The following PI4K2B variants were observed in gnomAD, a reference collection of about 807,000 sequenced individuals.
PI4K2B encodes the protein phosphatidylinositol 4-kinase type 2-beta.
A neutral mutation model predicts 56.6 loss-of-function variants in PI4K2B; 46 were observed. That is an observed-to-expected ratio of 0.81 (90% CI 0.64 to 1.04). The LOEUF is 1.04. PI4K2B is among the 50% of genes least tolerant of loss of function. The probability of loss-of-function intolerance (pLI) is 0.00; values close to 1 mark genes in which losing one functional copy is unlikely to be tolerated. For missense variants in PI4K2B, 556 were observed against 607.7 expected (o/e 0.91, Z 0.89); for synonymous variants, 211 against 223.8 (o/e 0.94, Z 0.51).
At chr4:25,264,806 G>T (rs1025490480) in intron 7 of PI4K2B, among the ~76,000 whole-genome samples, 23 of 152,256 alleles carry the variant, frequency 1.5e-4, no homozygotes, top group African/African-American at 5.1e-4. Context: ...GGGAGGTGGA[G>T]GTTGCAGTGA....
intron 1 of PI4K2B, among the ~76,000 whole-genome samples, chr4:25,251,716 G>A (rs550082044): frequency 6.6e-6 from 1 of 152,254 alleles, no homozygotes; most frequent in East Asian, 1.9e-4. Context: ...AGAGGATGAA[G>A]TAGGATGGAT....
Position 25,268,640 on chromosome 4 carries a change from A to G in PI4K2B, c.1212+64A>G, listed in dbSNP as rs1577697301. ...ATCTTAAAATAGAAGAGACTGCTTA[A>G]TAGAGCTGATTTGCAATTTTCTATT... On this transcript the variant is annotated intron_variant, in intron 8 of 9. Coordinates refer to ENST00000264864, the MANE Select transcript of PI4K2B (RefSeq NM_018323.4). 18 of 1,147,134 alleles carry G rather than the reference A, an allele frequency of 1.6e-5. No individual in the cohort carries two copies. The East Asian group carries it at 4.2e-4, about 27-fold the overall frequency. 71.1% of individuals were successfully genotyped at this position (1,147,134 alleles called of 1,614,324 possible).
At chr4:25,267,911 C>G in intron 7 of PI4K2B, 1 of 966,270 alleles carries the variant, frequency 1.0e-6, no homozygotes, top group Non-Finnish European at 1.2e-6. Flanking sequence ...GGAGGCTAGG[C>G]AGACCTCAGC....
chr4:25,265,790 G>A (rs1218029290), intron 7 of PI4K2B, among the ~76,000 whole-genome samples: 1 of 152,074 alleles, frequency 6.6e-6, no homozygotes, highest in African/African-American at 2.4e-5. Flanking sequence ...CCTATATATG[G>A]CCTATTTAGA....
At chr4:25,272,256 T>C (rs1023175637) in intron 9 of PI4K2B, among the ~76,000 whole-genome samples, 1 of 152,086 alleles carries the variant, frequency 6.6e-6, no homozygotes, top group Non-Finnish European at 1.5e-5. Context: ...TCATATCTTA[T>C]CTCATGTACA....
chr4:25,260,639 TATACACACAC>T (rs1258794608), intron 6 of PI4K2B, 48 bp downstream of exon 6: 12 of 58,364 alleles, frequency 2.1e-4, no homozygotes, highest in Non-Finnish European at 4.1e-4. Context: ...TATATATATA[TATACACACAC>T]ACACACACAC....
At chr4:25,247,916 T>G (rs1315508668) in intron 1 of PI4K2B, among the ~76,000 whole-genome samples, 1 of 152,158 alleles carries the variant, frequency 6.6e-6, no homozygotes, top group East Asian at 1.9e-4. Context: ...TTGCCCAGGC[T>G]GGTCTTGAAC....
intron 1 of PI4K2B, among the ~76,000 whole-genome samples, chr4:25,240,621 G>C (rs1182385063): frequency 6.6e-6 from 1 of 152,174 alleles, no homozygotes; most frequent in Non-Finnish European, 1.5e-5. Flanking sequence ...AGTTAGTGGG[G>C]AGGCAGATAT....
At chr4:25,252,709 C>T (rs991849640) in intron 2 of PI4K2B, among the ~76,000 whole-genome samples, 1 of 152,134 alleles carries the variant, frequency 6.6e-6, no homozygotes, top group African/African-American at 2.4e-5. Flanking sequence ...ACCACCTGGG[C>T]TCAGGCAATC....
In PI4K2B at chr4:25,249,756, C is replaced by G. The variant is rs188003152; in HGVS notation, c.269-2565C>G. On this transcript the variant is annotated intron_variant, in intron 1 of 9. Transcript: ENST00000264864. Reference sequence around the variant, plus strand: ...TCAGACGGGGCGGCGGGGCAGAGGCCCTCCCCACATCCCAGACGATGGGCG... The same window carrying G: ...TCAGACGGGGCGGCGGGGCAGAGGCGCTCCCCACATCCCAGACGATGGGCG... Among the ~76,000 whole-genome samples, 2,243 of 150,854 alleles carry G rather than the reference C, an allele frequency of 0.015. 123 individuals carry two copies. The East Asian group carries it at 0.18, about 12-fold the overall frequency.
chr4:25,259,288 C>T, intron 5 of PI4K2B, 98 bp downstream of exon 5: 2 of 773,606 alleles, frequency 2.6e-6, no homozygotes, highest in Non-Finnish European at 4.3e-6. Context: ...TTGCAGAAGT[C>T]TTGAAGCCAC....
At chr4:25,236,632 A>G (rs983341529) in intron 1 of PI4K2B, among the ~76,000 whole-genome samples, 2 of 152,242 alleles carry the variant, frequency 1.3e-5, no homozygotes, top group Non-Finnish European at 2.9e-5. Context: ...AGGATTCAGA[A>G]TTAATAAACT....
intron 7 of PI4K2B, among the ~76,000 whole-genome samples, chr4:25,265,231 A>G (rs1181774294): frequency 7.1e-6 from 1 of 141,128 alleles, no homozygotes; most frequent in Non-Finnish European, 1.5e-5. Context: ...ATTTGTATCC[A>G]TGATATGTCT....
intron 1 of PI4K2B, among the ~76,000 whole-genome samples, chr4:25,249,866 A>G (rs35906286): frequency 0.063 from 9,655 of 152,182 alleles, 580 homozygotes; most frequent in East Asian, 0.33. Flanking sequence ...GGCCAAGGCA[A>G]GTGGCTGGGA....
chr4:25,259,291 G>C (rs1363525805), intron 5 of PI4K2B, 101 bp downstream of exon 5: 1 of 776,442 alleles, frequency 1.3e-6, no homozygotes, highest in Admixed American at 2.5e-5. Context: ...CAGAAGTCTT[G>C]AAGCCACTTT....
intron 1 of PI4K2B, among the ~76,000 whole-genome samples, chr4:25,237,446 C>G (rs988150678): frequency 6.6e-6 from 1 of 152,012 alleles, no homozygotes; most frequent in Non-Finnish European, 1.5e-5. Flanking sequence ...GTAATCTCGG[C>G]TAACTGCAAC....
chr4:25,239,791 C>T (rs1293775586), intron 1 of PI4K2B, among the ~76,000 whole-genome samples: 2 of 152,246 alleles, frequency 1.3e-5, no homozygotes, highest in East Asian at 1.9e-4. Flanking sequence ...ACACTGTCAC[C>T]TCTCAATCCC....
intron 1 of PI4K2B, among the ~76,000 whole-genome samples, chr4:25,244,966 A>G (rs984044639): frequency 6.6e-6 from 1 of 152,202 alleles, no homozygotes. Context: ...GTTATGCCCC[A>G]AAAATGAAGT....
intron 3 of PI4K2B, 89 bp from the exon 4 acceptor site, chr4:25,256,454 T>A: frequency 8.0e-7 from 1 of 1,251,148 alleles, no homozygotes; most frequent in Non-Finnish European, 1.1e-6. Context: ...CTTTGCTAAT[T>A]TTCATCATTA....
Sources: allele counts gnomAD v4.1 joint callset (sites outside exome capture counted in the v4.1 genomes callset), GRCh38; gene constraint gnomAD v4.1.1; transcripts MANE v1.5; gene names NCBI Gene and HGNC (gene_info 2026-07-23, HGNC 2026-07-21).